The following ADCY2 variants were observed in gnomAD, a reference collection of about 807,000 sequenced individuals.
ADCY2 encodes adenylate cyclase type 2.
In ADCY2, 31 loss-of-function variants were observed where a neutral mutation model predicts 125.2. The ratio of observed to expected loss-of-function variants is 0.25; its 90% CI spans 0.19 to 0.33. ADCY2 has a LOEUF of 0.33. ADCY2 is among the 10% of genes least tolerant of loss of function. The pLI, the probability that ADCY2 is intolerant of heterozygous loss-of-function variation, is 1.00. For missense variants in ADCY2, 904 were observed against 1,418.2 expected (o/e 0.64, Z 5.82); for synonymous variants, 512 against 548.4 (o/e 0.93, Z 0.93).
At chr5:7,652,956 A>G (rs2126683736) in intron 4 of ADCY2, among the ~76,000 whole-genome samples, 1 of 152,358 alleles carries the variant, frequency 6.6e-6, no homozygotes, top group Middle Eastern at 3.4e-3. Context: ...AAGGAAAAAA[A>G]GAAAAAAGAG....
chr5:7,509,274 A>G (rs540042252), intron 2 of ADCY2, among the ~76,000 whole-genome samples: 4 of 152,346 alleles, frequency 2.6e-5, no homozygotes, highest in African/African-American at 9.6e-5. Context: ...AAGATGACAC[A>G]TATGGTATAT....
chr5:7,532,353 G>T (rs1449613140), intron 3 of ADCY2, among the ~76,000 whole-genome samples: 5 of 152,196 alleles, frequency 3.3e-5, no homozygotes, highest in African/African-American at 1.2e-4. Context: ...TTCTCTCATT[G>T]TTTGTAGAAG....
chr5:7,739,308 A>G (rs1487385043), intron 14 of ADCY2, among the ~76,000 whole-genome samples: 6 of 151,924 alleles, frequency 3.9e-5, no homozygotes, highest in Non-Finnish European at 8.8e-5. Context: ...TTAGTGTTAA[A>G]CTATATGCTT....
chr5:7,705,303 T>C lies in ADCY2; in HGVS notation c.1110-1441T>C, dbSNP rs114983229. Among the ~76,000 whole-genome samples the C allele has an allele frequency of 6.9e-3, 1,047 of 152,344 alleles. 5 individuals are homozygous for C. The highest frequency in any genetic ancestry group is 0.011 in the Non-Finnish European group (733 of 68,034). ...AGGTAAACAATCCACTTGGAGATTG[T>C]GTCCACCCAGGCTGAATTTCTGCTG... On this transcript the variant is annotated intron_variant, in intron 7 of 24. Transcript: ENST00000338316.
At chr5:7,502,878 G>A (rs911995739) in intron 2 of ADCY2, among the ~76,000 whole-genome samples, 1 of 152,114 alleles carries the variant, frequency 6.6e-6, no homozygotes, top group Admixed American at 6.5e-5. Context: ...TGCTTTGCAG[G>A]CATCGTGCCT....
intron 3 of ADCY2, among the ~76,000 whole-genome samples, chr5:7,589,524 G>GAAAAGAAAAGAAAAGAA (rs1554022167): frequency 5.9e-5 from 4 of 67,868 alleles, no homozygotes; most frequent in Non-Finnish European, 1.0e-4. Context: ...AGAAAAGAAA[G>GAAAAGAAAAGAAAAGAA]AGAAAGAAAG....
At chr5:7,558,518 C>G (rs1207241609) in intron 3 of ADCY2, among the ~76,000 whole-genome samples, 1 of 152,118 alleles carries the variant, frequency 6.6e-6, no homozygotes, top group South Asian at 2.1e-4. Flanking sequence ...CCTTTGCCCA[C>G]TTTTTAATGG....
chr5:7,676,256 TGC>T (rs1740123072), intron 4 of ADCY2, among the ~76,000 whole-genome samples: 1 of 152,210 alleles, frequency 6.6e-6, no homozygotes, highest in Admixed American at 6.5e-5. Flanking sequence ...AAGAACATCT[TGC>T]TACGGGTAGT....
At chr5:7,469,594 T>A (rs1321327566) in intron 2 of ADCY2, among the ~76,000 whole-genome samples, 9 of 150,360 alleles carry the variant, frequency 6.0e-5, no homozygotes, top group Non-Finnish European at 1.3e-4. Flanking sequence ...AGCTTGCACA[T>A]TTTTTTTAAG....
intron 3 of ADCY2, among the ~76,000 whole-genome samples, chr5:7,562,475 T>A (rs374119725): frequency 1.6e-4 from 24 of 152,260 alleles, no homozygotes; most frequent in African/African-American, 5.8e-4. Flanking sequence ...CAACTCATTG[T>A]TTAGGGCCAT....
At chr5:7,471,201 C>A (rs1021794715) in intron 2 of ADCY2, among the ~76,000 whole-genome samples, 1 of 151,884 alleles carries the variant, frequency 6.6e-6, no homozygotes, top group African/African-American at 2.4e-5. Flanking sequence ...GTATTACTTT[C>A]TTATCCAATC....
At chr5:7,779,478 G>A (rs192335556) in intron 18 of ADCY2, among the ~76,000 whole-genome samples, 32 of 152,190 alleles carry the variant, frequency 2.1e-4, no homozygotes, top group Admixed American at 2.0e-3. Context: ...AGTGGCTTCC[G>A]ACTTAAAATC....
intron 3 of ADCY2, among the ~76,000 whole-genome samples, chr5:7,578,973 T>C (rs908638995): frequency 1.3e-5 from 2 of 152,260 alleles, no homozygotes; most frequent in East Asian, 3.9e-4. Flanking sequence ...CTCAGACATA[T>C]CTCCTATTGA....
chr5:7,642,416 G>A (rs1386980520), intron 4 of ADCY2, among the ~76,000 whole-genome samples: 1 of 152,016 alleles, frequency 6.6e-6, no homozygotes, highest in Non-Finnish European at 1.5e-5. Context: ...ATAGATTCTG[G>A]ATACTAGACC....
chr5:7,682,017 C>G (rs1034585009), intron 4 of ADCY2, among the ~76,000 whole-genome samples: 8 of 152,208 alleles, frequency 5.3e-5, no homozygotes, highest in Non-Finnish European at 1.2e-4. Flanking sequence ...CCTCCACCTC[C>G]TTACTTTGGA....
At chr5:7,631,930 C>T (rs1458024917) in intron 4 of ADCY2, among the ~76,000 whole-genome samples, 2 of 152,144 alleles carry the variant, frequency 1.3e-5, no homozygotes, top group Admixed American at 6.5e-5. Flanking sequence ...ACGGACCTTA[C>T]GAGGACTCAT....
intron 24 of ADCY2, among the ~76,000 whole-genome samples, chr5:7,823,758 C>A (rs932281893): frequency 1.3e-5 from 2 of 152,156 alleles, no homozygotes; most frequent in Non-Finnish European, 2.9e-5. Flanking sequence ...GTATCAAAAG[C>A]AATTTGAGTG....
At chr5:7,592,164 C>G (rs1736866344) in intron 3 of ADCY2, among the ~76,000 whole-genome samples, 1 of 152,094 alleles carries the variant, frequency 6.6e-6, no homozygotes, top group African/African-American at 2.4e-5. Flanking sequence ...AAAAGTATCT[C>G]CCATTGCCAA....
At chr5:7,569,653 T>G (rs1416283545) in intron 3 of ADCY2, among the ~76,000 whole-genome samples, 1 of 152,108 alleles carries the variant, frequency 6.6e-6, no homozygotes, top group Non-Finnish European at 1.5e-5. Context: ...TTTTTCATAT[T>G]CCATTTGCCT....
Sources: gnomAD v4.1 joint callset for allele counts (sites outside exome capture counted in the v4.1 genomes callset) on GRCh38, gnomAD v4.1.1 for gene constraint, MANE v1.5 for transcripts, NCBI Gene and HGNC (gene_info 2026-07-23, HGNC 2026-07-21) for gene names.